PCID2: variants seen among roughly 807,000 people sequenced by gnomAD.
PCID2 encodes PCI domain-containing protein 2.
In PCID2, 41 loss-of-function variants were observed where a neutral mutation model predicts 61.3. The ratio of observed to expected loss-of-function variants is 0.67; its 90% CI spans 0.52 to 0.87. The LOEUF is 0.87. Among genes scored for constraint, PCID2 ranks in the 40% least tolerant of loss-of-function variants. The probability of loss-of-function intolerance (pLI) is 0.00; values close to 1 mark genes in which losing one functional copy is unlikely to be tolerated. For synonymous variants in PCID2, 187 were observed against 177.8 expected, an observed-to-expected ratio of 1.05 and a Z score of -0.41; for missense variants, 392 against 493.4, an observed-to-expected ratio of 0.79 and a Z score of 1.95.
intron 1 of PCID2, 167 bp downstream of exon 1, chr13:113,208,432 G>A: frequency 3.3e-6 from 5 of 1,502,684 alleles, no homozygotes; most frequent in Non-Finnish European, 4.4e-6. Context: ...GCCTTCCCGA[G>A]TCCCGGCCGC....
intron 6 of PCID2, 45 bp downstream of exon 6, chr13:113,195,026 C>T: frequency 7.6e-7 from 1 of 1,321,798 alleles, no homozygotes; most frequent in Non-Finnish European, 1.1e-6. Context: ...CAGATAGTCA[C>T]CAAGTTTTAG....
At chr13:113,170,599 G>A in the PCID2 span, 1 of 1,006,402 alleles carries the variant, frequency 9.9e-7, no homozygotes, top group Non-Finnish European at 1.6e-6. Flanking sequence ...AGAATGAAAT[G>A]ACAAATTTAA....
At chr13:113,182,489 C>G (rs1387375388) in intron 9 of PCID2, among the ~76,000 whole-genome samples, 1 of 152,144 alleles carries the variant, frequency 6.6e-6, no homozygotes, top group Non-Finnish European at 1.5e-5. Flanking sequence ...CCTGGATGTA[C>G]AAAAAATGCA....
Position 113,190,939 on chromosome 13 carries a change from C to T in PCID2, c.400G>A (p.Val134Ile), listed in dbSNP as rs1450605568. The change falls in exon 7 of 14, where the codon GTT becomes ATT. Residue 134 changes from valine (V) to isoleucine (I), a missense_variant. Val to Ile is a conservative substitution (Grantham distance 29). Transcript: ENST00000337344. ...QQLVKKGKSK[V>I]GDMLEKAAEL... ...GCTGCTTTTTCCAACATGTCCCCAACTTTGCTTTTTCCTTTCTTTACCAAC... is the reference window on the plus strand; with the variant it reads ...GCTGCTTTTTCCAACATGTCCCCAATTTTGCTTTTTCCTTTCTTTACCAAC... The T allele has an allele frequency of 6.2e-7, 1 of 1,613,684 alleles. No individual in the cohort carries two copies. The highest frequency in any genetic ancestry group is 1.3e-5 in the African/African-American group (1 of 74,996).
chr13:113,173,830 T>G (rs1233401847), downstream of PCID2, among the ~76,000 whole-genome samples: 1 of 152,216 alleles, frequency 6.6e-6, no homozygotes, highest in Non-Finnish European at 1.5e-5. Context: ...AATCAGCTAA[T>G]GAACATGGCA....
the PCID2 span, among the ~76,000 whole-genome samples, chr13:113,170,703 A>C: frequency 6.6e-6 from 1 of 152,326 alleles, no homozygotes. Flanking sequence ...AAATACCAGC[A>C]GAAGCCTGGG....
chr13:113,207,987 C>G (rs763242851), intron 1 of PCID2: 1 of 1,565,486 alleles, frequency 6.4e-7, no homozygotes, highest in South Asian at 1.1e-5. Flanking sequence ...TGAATCTTTA[C>G]AAGTGTCCAT....
At chr13:113,202,995 C>CA (rs200954589) in intron 1 of PCID2, among the ~76,000 whole-genome samples, 6 of 152,048 alleles carry the variant, frequency 3.9e-5, no homozygotes, top group South Asian at 2.1e-4. Context: ...AAAAACAAAA[C>CA]AAAAAAAATC....
At chr13:113,208,102 T>G in intron 1 of PCID2, 1 of 1,611,958 alleles carries the variant, frequency 6.2e-7, no homozygotes, top group Non-Finnish European at 8.5e-7. Flanking sequence ...TGAAGGGCGT[T>G]AAACGACAGC....
At chr13:113,170,473 T>TTGCTG in the PCID2 span, 3 of 1,611,562 alleles carry the variant, frequency 1.9e-6, no homozygotes, top group Non-Finnish European at 2.5e-6. Flanking sequence ...ACGGGAAAAT[T>TTGCTG]TTGTACTGAC....
chr13:113,198,253 T>G lies in PCID2; in HGVS notation c.138A>C (p.Pro46=). 3 of 1,600,736 alleles carry G rather than the reference T, an allele frequency of 1.9e-6. No homozygotes were observed. Among genetic ancestry groups the G allele is most frequent in the Non-Finnish European group, 2.6e-6 (3 of 1,172,888 alleles). Reference sequence around the variant, plus strand: ...CCAAGACTTGTTGACACTTCTCCTCTGGAGAGGCCATCTGATTTTAAAAAA... The same window carrying G: ...CCAAGACTTGTTGACACTTCTCCTCGGGAGAGGCCATCTGATTTTAAAAAA... ...VANPRLQMAS[P]EEKCQQVLEP... The change falls in exon 3 of 14, where the codon CCA becomes CCC. Residue 46 remains proline, a synonymous_variant. Transcript: ENST00000337344.
chr13:113,195,743 T>A (rs1396694838), intron 5 of PCID2, among the ~76,000 whole-genome samples: 2 of 152,180 alleles, frequency 1.3e-5, no homozygotes, highest in Non-Finnish European at 2.9e-5. Context: ...AATTTCAGTA[T>A]TAACCTATAG....
the PCID2 span, chr13:113,165,142 G>A: frequency 2.5e-6 from 4 of 1,602,718 alleles, no homozygotes; most frequent in South Asian, 4.4e-5. Flanking sequence ...CTCTCCGCGT[G>A]CTTCAATTTA....
chr13:113,170,563 A>G, the PCID2 span: 2 of 1,290,294 alleles, frequency 1.6e-6, no homozygotes, highest in Non-Finnish European at 2.3e-6. Context: ...TTATAAAACC[A>G]CATTGGAAAT....
intron 7 of PCID2, among the ~76,000 whole-genome samples, chr13:113,189,203 TC>T (rs1199354985): frequency 1.3e-5 from 2 of 152,100 alleles, no homozygotes; most frequent in African/African-American, 4.8e-5. Flanking sequence ...CTCTTTGTCT[TC>T]CAGCATGAGT....
At chr13:113,205,939 T>C (rs1419057118) in intron 1 of PCID2, among the ~76,000 whole-genome samples, 5 of 152,252 alleles carry the variant, frequency 3.3e-5, no homozygotes, top group Admixed American at 1.3e-4. Context: ...AATGGTTAAA[T>C]GGTATATTTT....
At chr13:113,189,500 T>C (rs889918732) in intron 7 of PCID2, among the ~76,000 whole-genome samples, 3 of 152,174 alleles carry the variant, frequency 2.0e-5, no homozygotes, top group Non-Finnish European at 4.4e-5. Flanking sequence ...TTTATTTATA[T>C]ATGGATACCT....
intron 9 of PCID2, chr13:113,183,839 G>C: frequency 1.0e-6 from 1 of 985,310 alleles, no homozygotes; most frequent in Non-Finnish European, 1.2e-6. Context: ...GCCGTGCGAG[G>C]CTGTTTAAAC....
At chr13:113,172,227 C>A in the PCID2 span, 1 of 1,374,192 alleles carries the variant, frequency 7.3e-7, no homozygotes, top group Non-Finnish European at 1.0e-6. Flanking sequence ...CCCCAGACCA[C>A]CCGCTTGGCC....
Sources: allele counts gnomAD v4.1 joint callset (sites outside exome capture counted in the v4.1 genomes callset), GRCh38; gene constraint gnomAD v4.1.1; transcripts MANE v1.5; gene names NCBI Gene and HGNC (gene_info 2026-07-23, HGNC 2026-07-21).